Variants in LRMDA observed in about 807,000 individuals in gnomAD.
LRMDA encodes the protein leucine rich melanocyte differentiation associated.
A neutral mutation model predicts 29.8 loss-of-function variants in LRMDA; 18 were observed. The ratio of observed to expected loss-of-function variants is 0.60; its 90% CI spans 0.42 to 0.90. The LOEUF (loss-of-function observed/expected upper bound fraction) is 0.90, where lower values mean the gene tolerates loss of function less well. Among genes scored for constraint, LRMDA ranks in the 40% least tolerant of loss-of-function variants. The pLI, the probability that LRMDA is intolerant of heterozygous loss-of-function variation, is 0.00. For missense variants in LRMDA, 273 were observed against 273.9 expected, an observed-to-expected ratio of 1.00 and a Z score of 0.02; for synonymous variants, 125 against 109.4, an observed-to-expected ratio of 1.14 and a Z score of -0.89.
chr10:76,472,321 A>G (rs927422851), intron 6 of LRMDA, among the ~76,000 whole-genome samples: 1 of 151,782 alleles, frequency 6.6e-6, no homozygotes, highest in Non-Finnish European at 1.5e-5. Flanking sequence ...TAGTCAAAGA[A>G]GAAGCAATAA....
At chr10:76,070,622 C>T (rs748601466) in intron 5 of LRMDA, among the ~76,000 whole-genome samples, 9 of 152,182 alleles carry the variant, frequency 5.9e-5, no homozygotes, top group Non-Finnish European at 1.2e-4. Context: ...TTTGGGGGTA[C>T]GCATTCAGTC....
At position 76,547,470 on chromosome 10, in the gene LRMDA, T is replaced by A. The variant is rs138991489; in HGVS notation, c.602-9739T>A. ...GACCAAAAGCACAGTGTGGCTATAA[T>A]GGCTCTCCCTGAATAGTTGCCGCCA... is the stretch of plus-strand genomic sequence containing the variant. On this transcript the variant is annotated intron_variant, in intron 6 of 6. Transcript: ENST00000611255. 2.0e-5 allele frequency among the ~76,000 whole-genome samples: 3 copies of A among 152,296 alleles called. No homozygotes were observed. The South Asian group carries it at 6.2e-4, about 32-fold the overall frequency.
At chr10:76,249,974 G>T (rs1247481) in intron 5 of LRMDA, among the ~76,000 whole-genome samples, 79,628 of 151,824 alleles carry the variant, frequency 0.52, 21,016 homozygotes, top group South Asian at 0.64. Context: ...GGCTAATTTT[G>T]TTTGTATTTT....
chr10:76,475,995 G>A (rs576130505), intron 6 of LRMDA, among the ~76,000 whole-genome samples: 1 of 152,096 alleles, frequency 6.6e-6, no homozygotes, highest in Admixed American at 6.6e-5. Flanking sequence ...AAGAAGTAGA[G>A]AAGCAAGAGG....
intron 2 of LRMDA, among the ~76,000 whole-genome samples, chr10:75,490,850 G>T (rs867256646): frequency 3.3e-5 from 5 of 152,288 alleles, no homozygotes; most frequent in African/African-American, 1.2e-4. Flanking sequence ...ATGTGTTGTT[G>T]ACTGTTATGC....
At chr10:76,159,609 C>T (rs978095494) in intron 5 of LRMDA, among the ~76,000 whole-genome samples, 13 of 152,146 alleles carry the variant, frequency 8.5e-5, no homozygotes, top group Non-Finnish European at 1.5e-4. Context: ...TTATTCATAA[C>T]TGCCAAAACT....
intron 2 of LRMDA, among the ~76,000 whole-genome samples, chr10:75,574,705 G>C (rs3001917): frequency 0.6 from 91,499 of 151,978 alleles, 31,042 homozygotes; most frequent in East Asian, 0.85. Flanking sequence ...CTTATCCACC[G>C]TGGGGCTTCA....
At chr10:75,952,445 T>C (rs1846592786) in intron 2 of LRMDA, among the ~76,000 whole-genome samples, 1 of 152,174 alleles carries the variant, frequency 6.6e-6, no homozygotes, top group African/African-American at 2.4e-5. Flanking sequence ...AGATAAGTGT[T>C]GAAGAAAAAT....
intron 6 of LRMDA, among the ~76,000 whole-genome samples, chr10:76,388,613 A>G (rs1318750488): frequency 6.6e-6 from 1 of 152,224 alleles, no homozygotes; most frequent in Non-Finnish European, 1.5e-5. Flanking sequence ...CAGAAGCTGC[A>G]TCAGAAGTTT....
chr10:75,587,303 A>C (rs899302192), intron 2 of LRMDA, among the ~76,000 whole-genome samples: 2 of 152,138 alleles, frequency 1.3e-5, no homozygotes, highest in African/African-American at 4.8e-5. Flanking sequence ...TTCACAATGC[A>C]TTATAATATC....
At chr10:75,517,209 T>C (rs539337391) in intron 2 of LRMDA, among the ~76,000 whole-genome samples, 1 of 152,262 alleles carries the variant, frequency 6.6e-6, no homozygotes, top group African/African-American at 2.4e-5. Flanking sequence ...ATATGAACTT[T>C]AAAGTAGTTT....
chr10:76,067,214 A>G (rs1848798849), intron 5 of LRMDA, among the ~76,000 whole-genome samples: 1 of 152,192 alleles, frequency 6.6e-6, no homozygotes, highest in Non-Finnish European at 1.5e-5. Context: ...CCTGTCCCTT[A>G]TAGTATTCAC....
At chr10:75,920,386 G>T (rs1846007129) in intron 2 of LRMDA, among the ~76,000 whole-genome samples, 1 of 152,158 alleles carries the variant, frequency 6.6e-6, no homozygotes, top group Non-Finnish European at 1.5e-5. Flanking sequence ...ACTTAGAAAT[G>T]ATTGGAGAAC....
intron 5 of LRMDA, among the ~76,000 whole-genome samples, chr10:76,081,019 C>G (rs1259969643): frequency 6.6e-6 from 1 of 152,178 alleles, no homozygotes; most frequent in East Asian, 1.9e-4. Flanking sequence ...AGCGCTTTCA[C>G]TAAAGACTTC....
chr10:75,830,046 C>T (rs962869655), intron 2 of LRMDA, among the ~76,000 whole-genome samples: 2 of 152,028 alleles, frequency 1.3e-5, no homozygotes, highest in Non-Finnish European at 2.9e-5. Flanking sequence ...AATTATTTTG[C>T]AGTATGATGG....
intron 2 of LRMDA, among the ~76,000 whole-genome samples, chr10:75,669,574 G>T (rs1404770487): frequency 6.6e-6 from 1 of 152,198 alleles, no homozygotes; most frequent in Non-Finnish European, 1.5e-5. Context: ...GACTTTTACA[G>T]TAAATTTGCA....
At chr10:76,339,340 G>A (rs2132417581) in intron 6 of LRMDA, among the ~76,000 whole-genome samples, 1 of 150,680 alleles carries the variant, frequency 6.6e-6, no homozygotes, top group African/African-American at 2.4e-5. Context: ...AATAAATGAA[G>A]TTTTGGGTTT....
intron 6 of LRMDA, among the ~76,000 whole-genome samples, chr10:76,526,456 G>A (rs1273087291): frequency 3.3e-5 from 5 of 152,054 alleles, no homozygotes; most frequent in Non-Finnish European, 7.4e-5. Flanking sequence ...TGAGGCATTC[G>A]CTTTTCATTT....
chr10:75,886,037 G>C (rs1484622340), intron 2 of LRMDA, among the ~76,000 whole-genome samples: 2 of 152,234 alleles, frequency 1.3e-5, no homozygotes, highest in African/African-American at 4.8e-5. Flanking sequence ...CTGGAAAAGA[G>C]AAGAAAGTAG....
Sources: gnomAD v4.1 joint callset for allele counts (sites outside exome capture counted in the v4.1 genomes callset) on GRCh38, gnomAD v4.1.1 for gene constraint, MANE v1.5 for transcripts, NCBI Gene and HGNC (gene_info 2026-07-23, HGNC 2026-07-21) for gene names.